Variants in ACSS3 observed in about 807,000 individuals in gnomAD.
The protein encoded by ACSS3 is acyl-CoA synthetase short chain family member 3, also known as acyl-CoA synthetase short-chain family member 3, mitochondrial.
Under a neutral mutation model 84.2 loss-of-function variants are expected in ACSS3, and 64 were observed. That is an observed-to-expected ratio of 0.76 (90% CI 0.62 to 0.94). The LOEUF (loss-of-function observed/expected upper bound fraction) is 0.94, where lower values mean the gene tolerates loss of function less well. Ranked by LOEUF, ACSS3 falls within the 40% of genes least tolerant of loss-of-function variation. The pLI, the probability that ACSS3 is intolerant of heterozygous loss-of-function variation, is 0.00. For synonymous variants in ACSS3, 317 were observed against 310.1 expected (o/e 1.02, Z -0.23); for missense variants, 815 against 867.6 (o/e 0.94, Z 0.76).
intron 7 of ACSS3, among the ~76,000 whole-genome samples, chr12:81,154,655 C>T (rs1886775966): frequency 2.0e-5 from 3 of 152,310 alleles, no homozygotes; most frequent in African/African-American, 7.2e-5. Context: ...TATTCCTCAT[C>T]TCACCGTAGT....
At chr12:81,177,158 A>G (rs937424066) in intron 8 of ACSS3, among the ~76,000 whole-genome samples, 20 of 152,308 alleles carry the variant, frequency 1.3e-4, no homozygotes, top group African/African-American at 4.6e-4. Flanking sequence ...AAAAGAACAT[A>G]CCTCAAAATA....
chr12:81,101,504 A>G (rs1882509721), intron 1 of ACSS3, among the ~76,000 whole-genome samples: 2 of 152,154 alleles, frequency 1.3e-5, no homozygotes, highest in South Asian at 2.1e-4. Flanking sequence ...GTGCATTTAT[A>G]TAATACAAAA....
chr12:81,190,946 C>T (rs1228626205), intron 8 of ACSS3, among the ~76,000 whole-genome samples: 1 of 151,628 alleles, frequency 6.6e-6, no homozygotes, highest in Admixed American at 6.6e-5. Flanking sequence ...ATAAATACAT[C>T]TTGGTTAATA....
intron 8 of ACSS3, among the ~76,000 whole-genome samples, chr12:81,175,637 A>G (rs1040874244): frequency 3.3e-5 from 5 of 151,884 alleles, no homozygotes; most frequent in African/African-American, 1.2e-4. Context: ...ACAAATTAAA[A>G]AAACATACCA....
intron 4 of ACSS3, among the ~76,000 whole-genome samples, chr12:81,141,560 T>C (rs886843709): frequency 2.6e-5 from 4 of 152,312 alleles, no homozygotes; most frequent in Middle Eastern, 3.4e-3. Flanking sequence ...AAGTGTTTTT[T>C]TTCCTCTGTT....
At chr12:81,162,592 C>G (rs1487313184) in intron 7 of ACSS3, among the ~76,000 whole-genome samples, 1 of 152,162 alleles carries the variant, frequency 6.6e-6, no homozygotes, top group Non-Finnish European at 1.5e-5. Flanking sequence ...CAGCCCTGCT[C>G]TCAGGTTTCA....
rs2034370559 is a variant in ACSS3, at chr12:81,257,895, A to AGAT, written c.*2977_*2979dup. On this transcript the variant is annotated 3_prime_UTR_variant, in exon 16 of 16. Transcript: ENST00000548058. ...ATCACTATATGTTAGTGTCTATTAT[A>AGAT]GATGATTAATCTTTCTAACTTGATC... is the stretch of plus-strand genomic sequence containing the variant. 2 of 152,148 alleles carry AGAT rather than the reference A, an allele frequency of 1.3e-5. No homozygotes were observed. Among genetic ancestry groups the AGAT allele is most frequent in the South Asian group, 4.1e-4 (2 of 4,832 alleles). 9.4% of individuals were successfully genotyped at this position (152,148 alleles called of 1,614,324 possible). A position where few individuals can be genotyped will look rare whatever the true frequency, so the allele number is the denominator to read the frequency against.
chr12:81,137,547 G>T (rs1384228128), intron 3 of ACSS3, among the ~76,000 whole-genome samples: 1 of 152,050 alleles, frequency 6.6e-6, no homozygotes, highest in Non-Finnish European at 1.5e-5. Flanking sequence ...ATAGGCTAAA[G>T]AAAAAGTTTT....
intron 1 of ACSS3, among the ~76,000 whole-genome samples, chr12:81,088,652 C>T (rs1029243193): frequency 6.6e-6 from 1 of 152,014 alleles, no homozygotes; most frequent in Non-Finnish European, 1.5e-5. Context: ...CTTGCCTAAA[C>T]TTATAAAACT....
chr12:81,196,144 A>T (rs1430677641), intron 8 of ACSS3, among the ~76,000 whole-genome samples: 4 of 152,174 alleles, frequency 2.6e-5, no homozygotes, highest in Non-Finnish European at 4.4e-5. Context: ...TAGCATAATG[A>T]TTTGAGCAGG....
chr12:81,251,347 C>A lies in ACSS3; in HGVS notation c.1720-1960C>A, dbSNP rs189330096. ...AAAACTCAGGCATGTACAGAGTAGA[C>A]CATAATGTAGTAATGTAAACTATGA... is the stretch of plus-strand genomic sequence containing the variant. On this transcript the variant is annotated intron_variant, in intron 13 of 15. Transcript: ENST00000548058. Among the ~76,000 whole-genome samples the A allele has an allele frequency of 4.3e-4, 65 of 152,088 alleles. No individual in the cohort carries two copies. The East Asian group carries it at 6.0e-3, about 14-fold the overall frequency.
At chr12:81,082,438 G>A (rs1881040838) in intron 1 of ACSS3, among the ~76,000 whole-genome samples, 1 of 152,194 alleles carries the variant, frequency 6.6e-6, no homozygotes, top group Non-Finnish European at 1.5e-5. Context: ...TAGAGGAAAT[G>A]ATGTTTAAAC....
At chr12:81,169,850 C>G (rs116327651) in intron 7 of ACSS3, among the ~76,000 whole-genome samples, 25 of 152,270 alleles carry the variant, frequency 1.6e-4, no homozygotes, top group African/African-American at 6.0e-4. Context: ...AAACAACTCT[C>G]TGCATCACCT....
At chr12:81,231,743 T>A (rs1309023957) in intron 12 of ACSS3, among the ~76,000 whole-genome samples, 1 of 151,846 alleles carries the variant, frequency 6.6e-6, no homozygotes, top group East Asian at 1.9e-4. Flanking sequence ...TCACATTCTG[T>A]CATTGTGTGA....
chr12:81,186,104 T>C (rs185117285), intron 8 of ACSS3, among the ~76,000 whole-genome samples: 2 of 151,650 alleles, frequency 1.3e-5, no homozygotes, highest in African/African-American at 4.8e-5. Context: ...GAAGACACAA[T>C]AGGGAAAAAT....
At chr12:81,163,304 T>C (rs1451516555) in intron 7 of ACSS3, among the ~76,000 whole-genome samples, 2 of 152,184 alleles carry the variant, frequency 1.3e-5, no homozygotes, top group Admixed American at 6.5e-5. Flanking sequence ...TACATTGTGG[T>C]CCCATAAGAT....
At chr12:81,228,288 C>T (rs866963962) in intron 11 of ACSS3, among the ~76,000 whole-genome samples, 8 of 151,688 alleles carry the variant, frequency 5.3e-5, no homozygotes, top group Non-Finnish European at 1.2e-4. Context: ...GTTCATGCAC[C>T]CCATGGTGTG....
At chr12:81,150,506 G>A (rs1479777406) in intron 5 of ACSS3, among the ~76,000 whole-genome samples, 9 of 152,208 alleles carry the variant, frequency 5.9e-5, no homozygotes, top group African/African-American at 2.2e-4. Flanking sequence ...TCGTTTACAT[G>A]GGAAGGTGCA....
At chr12:81,149,927 C>CT (rs200328205) in intron 5 of ACSS3, among the ~76,000 whole-genome samples, 4 of 151,824 alleles carry the variant, frequency 2.6e-5, no homozygotes, top group Non-Finnish European at 4.4e-5. Context: ...TTTTAAGTCT[C>CT]TTTTTTTTGG....
Sources: gnomAD v4.1 joint callset for allele counts (sites outside exome capture counted in the v4.1 genomes callset) on GRCh38, gnomAD v4.1.1 for gene constraint, MANE v1.5 for transcripts, NCBI Gene and HGNC (gene_info 2026-07-23, HGNC 2026-07-21) for gene names.